Variants in PLOD1 observed in about 807,000 individuals in gnomAD.
PLOD1 encodes the protein lysine hydroxylase.
PLOD1 carries 70 observed loss-of-function variants against 94.7 expected under a neutral mutation model. The observed-to-expected ratio is 0.74, with a 90% CI of 0.61 to 0.90. The LOEUF (loss-of-function observed/expected upper bound fraction) is 0.90, where lower values mean the gene tolerates loss of function less well. Among genes scored for constraint, PLOD1 ranks in the 40% least tolerant of loss-of-function variants. The probability of loss-of-function intolerance (pLI) is 0.00; values close to 1 mark genes in which losing one functional copy is unlikely to be tolerated. For missense variants in PLOD1, 905 were observed against 972.7 expected (o/e 0.93, Z 0.93); for synonymous variants, 417 against 400.2 (o/e 1.04, Z -0.50).
At chr1:11,944,634 C>T (rs1179914616) in intron 1 of PLOD1, 3 of 1,362,488 alleles carry the variant, frequency 2.2e-6, no homozygotes, top group Non-Finnish European at 2.9e-6. Flanking sequence ...GTGTGAGCAG[C>T]ATCCCTCGTT....
intron 10 of PLOD1, among the ~76,000 whole-genome samples, chr1:11,962,074 C>T (rs185400049): frequency 3.9e-5 from 6 of 152,210 alleles, no homozygotes; most frequent in African/African-American, 1.4e-4. Context: ...CAGGTGTGAG[C>T]CACTGCGCCT....
At position 11,967,012 on chromosome 1, in the gene PLOD1, C is replaced by T. The variant is rs1347370774; in HGVS notation, c.1676C>T (p.Pro559Leu). The change falls in exon 16 of 19, where the codon CCC becomes CTC. Residue 559 changes from proline (P) to leucine (L), a missense_variant. Physicochemically the swap from Pro to Leu is moderately conservative, Grantham distance 98 (BLOSUM62 -3). Coordinates refer to ENST00000196061, the MANE Select transcript of PLOD1 (RefSeq NM_000302.4). ...ETPCPDVYWFPIFTEVACDEL... is the reference protein window; with the variant it reads ...ETPCPDVYWFLIFTEVACDEL... ...CCCTGCCCGGATGTCTATTGGTTCCCCATCTTCACGGAGGTGGCCTGTGAT... is the reference window on the plus strand; with the variant it reads ...CCCTGCCCGGATGTCTATTGGTTCCTCATCTTCACGGAGGTGGCCTGTGAT... The T allele has an allele frequency of 1.2e-6, 2 of 1,613,688 alleles. No homozygotes were observed. Among genetic ancestry groups the T allele is most frequent in the South Asian group, 1.1e-5 (1 of 91,074 alleles).
At chr1:11,952,797 G>C in intron 5 of PLOD1, 62 bp downstream of exon 5, 1 of 1,185,726 alleles carries the variant, frequency 8.4e-7, no homozygotes, top group Non-Finnish European at 1.3e-6. Context: ...GGCTGCACGG[G>C]AACAGCTCCT....
intron 1 of PLOD1, 125 bp downstream of exon 1, chr1:11,934,980 T>C: frequency 8.4e-7 from 1 of 1,195,500 alleles, no homozygotes; most frequent in Non-Finnish European, 1.1e-6. Context: ...TTCCGGCTCC[T>C]TGTCCACTTA....
At position 11,950,540 on chromosome 1, in the gene PLOD1, G is replaced by A. The variant is rs908249735; in HGVS notation, c.466+20G>A. 6.2e-7 allele frequency: 1 copy of A among 1,612,582 alleles called. No homozygotes were observed. The stretch of plus-strand genomic sequence containing the variant: ...CTGGAGGTGAGAGGCCTGGGTGCAG[G>A]GCGCTTGGCCCAGCAGAGGGGTCCA... On this transcript the variant is annotated intron_variant, in intron 4 of 18. Transcript: ENST00000196061.
chr1:11,957,843 T>G lies in PLOD1; in HGVS notation c.743T>G (p.Leu248Arg), dbSNP rs1384692935. The G allele has an allele frequency of 6.2e-7, 1 of 1,612,356 alleles. No individual in the cohort carries two copies. ...VLIHGNGPTK[L>R]QLNYLGNYIP... ...TGTGACCCCACGTCTCCCCGACAGC[T>G]GCAGTTGAACTACCTGGGCAACTAC... is the stretch of plus-strand genomic sequence containing the variant. The change falls in exon 8 of 19, where the codon CTG becomes CGG. Residue 248 changes from leucine (L) to arginine (R), a missense_variant and splice_region_variant. Leu to Arg is a moderately radical substitution (Grantham distance 102). Transcript: ENST00000196061. The surrounding 1 kb of genome is among the most constrained non-coding windows in gnomAD (Gnocchi z 4.1).
intron 3 of PLOD1, 117 bp downstream of exon 3, chr1:11,950,023 C>T: frequency 8.8e-7 from 1 of 1,133,872 alleles, no homozygotes; most frequent in Non-Finnish European, 1.3e-6. Flanking sequence ...CTAAGGTTGC[C>T]TAGTTTTAGG....
Position 11,974,815 on chromosome 1 carries a change from A to G in PLOD1, c.*7A>G. The G allele has an allele frequency of 2.5e-6, 4 of 1,614,070 alleles. No individual in the cohort carries two copies. Among genetic ancestry groups the G allele is most frequent in the Non-Finnish European group, 3.4e-6 (4 of 1,179,948 alleles). On this transcript the variant is annotated 3_prime_UTR_variant, in exon 19 of 19. Transcript: ENST00000196061. Reference sequence around the variant, plus strand: ...CTCCTTCGTCGATCCCTAATTGGCCAGGCCTGACCCTCTTGGACCTTTCTT... The same window carrying G: ...CTCCTTCGTCGATCCCTAATTGGCCGGGCCTGACCCTCTTGGACCTTTCTT...
At position 11,974,762 on chromosome 1, in the gene PLOD1, C is replaced by T; in HGVS notation, c.2138C>T (p.Thr713Ile). Reference sequence around the variant, plus strand: ...ACGCATTACCATGAGGGGCTCCCCACCACCAGGGGCACCCGCTACATCGCA... The same window carrying T: ...ACGCATTACCATGAGGGGCTCCCCATCACCAGGGGCACCCGCTACATCGCA... ...RLTHYHEGLP[T>I]TRGTRYIAVS... Residue 713 changes from threonine to isoleucine, a missense_variant, in exon 19 of 19, where the codon ACC (threonine) becomes ATC (isoleucine). Physicochemically the swap from Thr to Ile is moderately conservative, Grantham distance 89. Transcript: ENST00000196061. 1 of 1,614,120 alleles carries T rather than the reference C, an allele frequency of 6.2e-7. No individual in the cohort carries two copies. The highest frequency in any genetic ancestry group is 8.5e-7 in the Non-Finnish European group (1 of 1,179,962).
At position 11,957,942 on chromosome 1, in the gene PLOD1, G is replaced by A. The variant is rs1056398577; in HGVS notation, c.842G>A (p.Gly281Glu). Residue 281 changes from glycine (G) to glutamate (E), a missense_variant and splice_region_variant, in exon 8 of 19, where the codon GGG (glycine) becomes GAG (glutamate). Gly to Glu is a moderately conservative substitution (Grantham distance 98). Transcript: ENST00000196061. The surrounding 1 kb of genome is among the most constrained non-coding windows in gnomAD (Gnocchi z 4.1). ...DEGLRSLKGI[G>E]DEALPTVLVG... ...GGCTTGCGCAGCCTCAAGGGCATTG[G>A]GGTGAGGCTGCGCCCAGGCCTGTGC... The A allele has an allele frequency of 1.6e-5, 25 of 1,601,266 alleles. No individual in the cohort carries two copies. Among genetic ancestry groups the A allele is most frequent in the African/African-American group, 4.0e-5 (3 of 74,606 alleles).
At chr1:11,959,618 A>ATTTTTTTTTT (rs796969636) in intron 9 of PLOD1, among the ~76,000 whole-genome samples, 1 of 93,116 alleles carries the variant, frequency 1.1e-5, no homozygotes, top group Non-Finnish European at 2.4e-5. Flanking sequence ...AATTTTTTGT[A>ATTTTTTTTTT]TTTTTTTTTT....
chr1:11,960,353 C>T (rs1259900069), intron 9 of PLOD1, among the ~76,000 whole-genome samples: 1 of 152,196 alleles, frequency 6.6e-6, no homozygotes, highest in African/African-American at 2.4e-5. Context: ...ACCCAGGAAT[C>T]AACAATGTCT....
At chr1:11,945,957 C>T (rs1645651159) in intron 1 of PLOD1, among the ~76,000 whole-genome samples, 1 of 152,126 alleles carries the variant, frequency 6.6e-6, no homozygotes, top group Non-Finnish European at 1.5e-5. Flanking sequence ...GATCTGCCTG[C>T]CTCAGCCTCC....
At chr1:11,941,530 G>C (rs1276091594) in intron 1 of PLOD1, among the ~76,000 whole-genome samples, 1 of 151,804 alleles carries the variant, frequency 6.6e-6, no homozygotes, top group African/African-American at 2.4e-5. Flanking sequence ...GCCCAGGCTA[G>C]AGTGCAATGG....
At chr1:11,953,483 G>C (rs540944964) in intron 5 of PLOD1, among the ~76,000 whole-genome samples, 165 of 151,946 alleles carry the variant, frequency 1.1e-3, no homozygotes, top group African/African-American at 3.8e-3. Flanking sequence ...TCTGTCCCTT[G>C]TTTTTTCCGT....
At chr1:11,968,604 C>G (rs1349250339) in intron 16 of PLOD1, among the ~76,000 whole-genome samples, 1 of 149,816 alleles carries the variant, frequency 6.7e-6, no homozygotes, top group African/African-American at 2.5e-5. Context: ...ACCTCCGCCT[C>G]CCAGGTTCAA....
rs1397028986 is a variant in PLOD1 at position 11,974,834 on chromosome 1, C to G, written c.*26C>G. On this transcript the variant is annotated 3_prime_UTR_variant, in exon 19 of 19. Coordinates refer to ENST00000196061, the MANE Select transcript of PLOD1 (RefSeq NM_000302.4). ...TTGGCCAGGCCTGACCCTCTTGGAC[C>G]TTTCTTCTTTGCCGACAACCACTGC... is the stretch of plus-strand genomic sequence containing the variant. 1 of 1,613,324 alleles carries G rather than the reference C, an allele frequency of 6.2e-7. No individual in the cohort carries two copies. The highest frequency in any genetic ancestry group is 1.3e-5 in the African/African-American group (1 of 74,914).
At chr1:11,942,796 T>C (rs1290231250) in intron 1 of PLOD1, among the ~76,000 whole-genome samples, 2 of 152,102 alleles carry the variant, frequency 1.3e-5, no homozygotes, top group African/African-American at 4.8e-5. Flanking sequence ...AAATCCAGAC[T>C]CCTGGGCCCA....
Position 11,957,166 on chromosome 1 carries a change from C to A in PLOD1, c.741+152C>A. On this transcript the variant is annotated intron_variant, in intron 7 of 18. Coordinates refer to ENST00000196061, the MANE Select transcript of PLOD1 (RefSeq NM_000302.4). This position sits in a 1 kb window ranked among gnomAD's most constrained non-coding sequence, Gnocchi z 4.1. ...CCTCTGTCCTCACATCTGAGCTCAG[C>A]GTGATGCCTTCTTTTCCTGCTGTGG... 1.3e-6 allele frequency: 1 copy of A among 767,750 alleles called. No individual in the cohort carries two copies. Among genetic ancestry groups the A allele is most frequent in the Non-Finnish European group, 2.4e-6 (1 of 410,866 alleles). 47.6% of individuals were successfully genotyped at this position (767,750 alleles called of 1,614,324 possible). A position where few individuals can be genotyped will look rare whatever the true frequency, so the allele number is the denominator to read the frequency against.
Sources: gnomAD v4.1 joint callset for allele counts (sites outside exome capture counted in the v4.1 genomes callset) on GRCh38, gnomAD v4.1.1 for gene constraint, Gnocchi (gnomAD v3.1) non-coding constraint, MANE v1.5 for transcripts, NCBI Gene and HGNC (gene_info 2026-07-23, HGNC 2026-07-21) for gene names.